Variants in PDLIM5 observed in about 807,000 individuals in gnomAD.
PDLIM5 encodes the protein PDZ and LIM domain protein 5.
Under a neutral mutation model 64.2 loss-of-function variants are expected in PDLIM5, and 34 were observed. That is an observed-to-expected ratio of 0.53 (90% CI 0.40 to 0.71). The LOEUF (loss-of-function observed/expected upper bound fraction) is 0.71, where lower values mean the gene tolerates loss of function less well. Ranked by LOEUF, PDLIM5 falls within the 30% of genes least tolerant of loss-of-function variation. The pLI is 0.00. For missense variants in PDLIM5, 683 were observed against 733.6 expected (o/e 0.93, Z 0.80); for synonymous variants, 253 against 269.1 (o/e 0.94, Z 0.59).
At chr4:94,658,763 C>T (rs1164843286) in intron 11 of PDLIM5, among the ~76,000 whole-genome samples, 2 of 152,206 alleles carry the variant, frequency 1.3e-5, no homozygotes, top group Non-Finnish European at 2.9e-5. Context: ...CCAGGAACCC[C>T]AGAAATTCCA....
chr4:94,636,416 C>CAA (rs71581597), intron 8 of PDLIM5, among the ~76,000 whole-genome samples: 1,563 of 128,032 alleles, frequency 0.012, 16 homozygotes, highest in African/African-American at 0.025. Flanking sequence ...TTTAAAAAGG[C>CAA]AAAAAAAAAA....
intron 5 of PDLIM5, among the ~76,000 whole-genome samples, chr4:94,584,144 T>A (rs1293697174): frequency 6.6e-6 from 1 of 152,216 alleles, no homozygotes; most frequent in Admixed American, 6.5e-5. Context: ...GAGTTGAACC[T>A]GGCAGGTGTT....
chr4:94,476,077 C>T (rs1361434570), intron 2 of PDLIM5, among the ~76,000 whole-genome samples: 1 of 152,150 alleles, frequency 6.6e-6, no homozygotes, highest in Non-Finnish European at 1.5e-5. Flanking sequence ...AAGCTAAAAA[C>T]AAATATGTCA....
chr4:94,514,830 C>T (rs909968271), intron 2 of PDLIM5, among the ~76,000 whole-genome samples: 35 of 152,280 alleles, frequency 2.3e-4, no homozygotes, highest in African/African-American at 7.9e-4. Context: ...CATACAGTTG[C>T]TCATAGTAGC....
At chr4:94,635,474 CTG>C (rs1740484211) in intron 8 of PDLIM5, among the ~76,000 whole-genome samples, 1 of 151,974 alleles carries the variant, frequency 6.6e-6, no homozygotes, top group Non-Finnish European at 1.5e-5. Context: ...AAAAAAAAAA[CTG>C]TGATGACAAG....
At chr4:94,620,948 A>G (rs909385917) in intron 8 of PDLIM5, among the ~76,000 whole-genome samples, 5 of 136,792 alleles carry the variant, frequency 3.7e-5, no homozygotes, top group Non-Finnish European at 7.4e-5. Context: ...GTGGGCACCT[A>G]TAGTCCTAGC....
At chr4:94,662,306 A>C in intron 11 of PDLIM5, 116 bp from the exon 12 acceptor site, 1 of 515,788 alleles carries the variant, frequency 1.9e-6, no homozygotes, top group Non-Finnish European at 3.6e-6. Flanking sequence ...TCAAATTCCT[A>C]ATATCTTTGT....
In PDLIM5 at chr4:94,456,539, C is replaced by T. The variant is rs1219038455; in HGVS notation, c.96+1155C>T. The T allele has an allele frequency of 9.7e-6, 7 of 718,532 alleles. No homozygotes were observed. In the African/African-American group the frequency reaches 1.2e-4, roughly 13 times the overall value. The allele number at this position is 718,532 out of a possible 1,614,324, so 44.5% of individuals were successfully genotyped here. On this transcript the variant is annotated intron_variant, in intron 2 of 12. Coordinates refer to ENST00000317968, the MANE Select transcript of PDLIM5 (RefSeq NM_006457.5). ...TTGCTTTTTTTTGCAACAATTTACC[C>T]TGAGATCATTCTCTATTAATATATA...
At chr4:94,582,943 A>C in intron 5 of PDLIM5, 2 of 500,318 alleles carry the variant, frequency 4.0e-6, no homozygotes, top group Non-Finnish European at 7.1e-6. Context: ...GTAATGAAAA[A>C]CTTAGTAAGT....
chr4:94,642,752 G>T (rs568672722), intron 9 of PDLIM5, among the ~76,000 whole-genome samples: 3 of 152,204 alleles, frequency 2.0e-5, no homozygotes, highest in South Asian at 4.1e-4. Context: ...CTAGTTCTTG[G>T]CCTCAGTGTC....
chr4:94,644,362 A>G (rs749513008), intron 9 of PDLIM5, among the ~76,000 whole-genome samples: 3 of 152,202 alleles, frequency 2.0e-5, no homozygotes, highest in Non-Finnish European at 4.4e-5. Flanking sequence ...ACCACTACAT[A>G]GGAAAATGTT....
At chr4:94,461,584 C>A (rs567664193) in intron 2 of PDLIM5, among the ~76,000 whole-genome samples, 179 of 151,936 alleles carry the variant, frequency 1.2e-3, no homozygotes, top group African/African-American at 4.1e-3. Flanking sequence ...GAATGAGTAT[C>A]CCCTTATTCC....
intron 3 of PDLIM5, among the ~76,000 whole-genome samples, chr4:94,553,948 A>G (rs981347243): frequency 1.3e-5 from 2 of 152,186 alleles, no homozygotes; most frequent in African/African-American, 4.8e-5. Flanking sequence ...CATTGTCAGT[A>G]TATTTATTTA....
At chr4:94,549,470 A>G (rs1167719888) in intron 3 of PDLIM5, among the ~76,000 whole-genome samples, 2 of 152,234 alleles carry the variant, frequency 1.3e-5, no homozygotes, top group Non-Finnish European at 2.9e-5. Flanking sequence ...ACAAATGTGT[A>G]AAATGAAGTA....
At chr4:94,459,967 C>CT (rs745838972) in intron 2 of PDLIM5, among the ~76,000 whole-genome samples, 14 of 152,320 alleles carry the variant, frequency 9.2e-5, no homozygotes, top group Non-Finnish European at 2.1e-4. Context: ...GACAGAAAGA[C>CT]TTTCAGTCCT....
intron 3 of PDLIM5, among the ~76,000 whole-genome samples, chr4:94,555,054 T>C (rs1003621348): frequency 6.6e-6 from 1 of 152,160 alleles, no homozygotes; most frequent in African/African-American, 2.4e-5. Context: ...GTGTGTTAAA[T>C]GCATTTTTCT....
chr4:94,489,979 T>C (rs968928753), intron 2 of PDLIM5, among the ~76,000 whole-genome samples: 3 of 152,118 alleles, frequency 2.0e-5, no homozygotes, highest in Admixed American at 6.5e-5. Context: ...ATTTATCATA[T>C]TGATGTAACA....
Position 94,575,933 on chromosome 4 carries a change from C to T in PDLIM5, c.609C>T (p.Val203=). The stretch of plus-strand genomic sequence containing the variant: ...GCGCTGGTAAAACTGCAGTTAATGT[C>T]CCACGGCAGCCCACAGTCACCAGCG... ...ALSAGKTAVN[V]PRQPTVTSVC... is the part of the protein sequence containing the mutation. Residue 203 remains valine, a synonymous_variant, in exon 5 of 13, where the codon GTC becomes GTT. Transcript: ENST00000317968. The T allele has an allele frequency of 2.5e-6, 4 of 1,614,088 alleles. No individual in the cohort carries two copies. The highest frequency in any genetic ancestry group is 2.2e-5 in the South Asian group (2 of 91,086).
chr4:94,662,106 A>G, intron 11 of PDLIM5, among the ~76,000 whole-genome samples: 1 of 152,158 alleles, frequency 6.6e-6, no homozygotes, highest in East Asian at 1.9e-4. Context: ...GGCATGAGCA[A>G]CCGCGCCCGG....
Sources: gnomAD v4.1 joint callset for allele counts (sites outside exome capture counted in the v4.1 genomes callset) on GRCh38, gnomAD v4.1.1 for gene constraint, MANE v1.5 for transcripts, NCBI Gene and HGNC (gene_info 2026-07-23, HGNC 2026-07-21) for gene names.